Variants in ABCC8 observed in about 807,000 individuals in gnomAD.
The protein encoded by ABCC8 is ATP-binding cassette sub-family C member 8.
ABCC8 carries 137 observed loss-of-function variants against 188.0 expected under a neutral mutation model. That is an observed-to-expected ratio of 0.73 (90% CI 0.63 to 0.84). The LOEUF (loss-of-function observed/expected upper bound fraction) is 0.84. Ranked by LOEUF, ABCC8 falls within the 40% of genes least tolerant of loss-of-function variation. ABCC8 has a pLI of 0.00. For missense variants in ABCC8, 1,750 were observed against 2,072.7 expected (o/e 0.84, Z 3.02); for synonymous variants, 797 against 846.5 (o/e 0.94, Z 1.01).
At chr11:17,472,056 C>T (rs952994891) in intron 2 of ABCC8, among the ~76,000 whole-genome samples, 1 of 152,190 alleles carries the variant, frequency 6.6e-6, no homozygotes, top group African/African-American at 2.4e-5. Context: ...CTCTCTCACA[C>T]ATTTTTAAGC....
At chr11:17,398,236 C>T (rs1023696872) in intron 30 of ABCC8, 103 bp downstream of exon 30, 83 of 1,455,948 alleles carry the variant, frequency 5.7e-5, no homozygotes, top group Middle Eastern at 2.1e-4. Context: ...GGTGTCCACA[C>T]GATCTGGTAT....
Position 17,404,556 on chromosome 11 carries a change from G to A in ABCC8, c.3513C>T (p.Ala1171=), listed in dbSNP as rs778961697. ...ACTTCTGGATGAAGTAGCACACGAT[G>A]GCCAGGGGCAAGAGGGCCACGAGGA... ...PVFLVALLPL[A]IVCYFIQKYF... is the part of the protein sequence containing the mutation. The change falls in exon 28 of 39, where the codon GCC becomes GCT. Residue 1171 remains alanine, a synonymous_variant. Coordinates refer to ENST00000389817, the MANE Select transcript of ABCC8 (RefSeq NM_000352.6). The surrounding 1 kb of genome is among the most constrained non-coding windows in gnomAD (Gnocchi z 4.7). 1.2e-5 allele frequency: 20 copies of A among 1,613,994 alleles called. No individual in the cohort carries two copies. The East Asian group carries it at 3.3e-4, about 27-fold the overall frequency.
At chr11:17,476,572 T>C (rs1383992581) in intron 1 of ABCC8, 57 bp downstream of exon 1, 6 of 1,581,622 alleles carry the variant, frequency 3.8e-6, no homozygotes, top group Non-Finnish European at 5.2e-6. Context: ...GCGCAGCGCC[T>C]CCTCCTCCCT....
intron 6 of ABCC8, among the ~76,000 whole-genome samples, chr11:17,459,424 CA>C (rs1957106458): frequency 6.6e-6 from 1 of 152,186 alleles, no homozygotes; most frequent in South Asian, 2.1e-4. Flanking sequence ...AAATCAGACT[CA>C]ACGTATCTCA....
intron 10 of ABCC8, 135 bp downstream of exon 10, chr11:17,442,585 G>A (rs1405785796): frequency 1.1e-6 from 1 of 872,722 alleles, no homozygotes; most frequent in Non-Finnish European, 1.9e-6. Flanking sequence ...GAGCCAGTTT[G>A]AGGCTCCCCT....
Position 17,394,336 on chromosome 11 carries a change from G to C in ABCC8, c.4475C>G (p.Ala1492Gly). The C allele has an allele frequency of 6.2e-7, 1 of 1,614,102 alleles. No homozygotes were observed. The highest frequency in any genetic ancestry group is 8.5e-7 in the Non-Finnish European group (1 of 1,180,040). ...SQGQRQLFCL[A>G]RAFVRKTSIF... ...GCTGGTCTTCCTCACGAAGGCCCGG[G>C]CCAGGCAGAACAGCTGCCTCTGTCC... Residue 1492 changes from alanine to glycine, a missense_variant, in exon 37 of 39, where the codon GCC becomes GGC. Ala to Gly is a moderately conservative substitution (Grantham distance 60, BLOSUM62 0). Coordinates refer to ENST00000389817, the MANE Select transcript of ABCC8 (RefSeq NM_000352.6).
chr11:17,421,454 T>TTAGTG (rs1955339473), intron 16 of ABCC8, among the ~76,000 whole-genome samples: 1 of 152,188 alleles, frequency 6.6e-6, no homozygotes, highest in Non-Finnish European at 1.5e-5. Flanking sequence ...TGTTCCTGGT[T>TTAGTG]CATTCATTTA....
At position 17,427,883 on chromosome 11, in the gene ABCC8, G is replaced by A; in HGVS notation, c.2100C>T (p.Thr700=). The change falls in exon 15 of 39, where the codon ACC becomes ACT. Residue 700 remains threonine (T), a synonymous_variant. Transcript: ENST00000389817. The surrounding 1 kb of genome is among the most constrained non-coding windows in gnomAD (Gnocchi z 5.0). ...GGGCCATACCTCGGGGGATACGAATGGTGATGTTGGACAGTGTGGGGATTC... is the reference window on the plus strand; with the variant it reads ...GGGCCATACCTCGGGGGATACGAATAGTGATGTTGGACAGTGTGGGGATTC... The part of the protein sequence containing the change: ...PDGIPTLSNI[T]IRIPRGQLTM... 6.2e-7 allele frequency: 1 copy of A among 1,614,128 alleles called. No individual in the cohort carries two copies. Among genetic ancestry groups the A allele is most frequent in the Non-Finnish European group, 8.5e-7 (1 of 1,179,988 alleles).
chr11:17,406,383 G>T lies in ABCC8; in HGVS notation c.3329+239C>A, dbSNP rs564527843. ...GATGTGCAGACGCTCACTTTAAAGG[G>T]CCATGGTAACAATTAAATGAGCTAA... On this transcript the variant is annotated intron_variant, in intron 26 of 38. Transcript: ENST00000389817. 1.2e-3 allele frequency: 691 copies of T among 579,768 alleles called. 12 individuals carry two copies. In the South Asian group the frequency reaches 0.014, roughly 12 times the overall value. The allele number at this position is 579,768 out of a possible 1,614,324, so 35.9% of individuals were successfully genotyped here.
At chr11:17,463,688 G>T (rs1847972284) in intron 3 of ABCC8, 84 bp from the exon 4 acceptor site, 1 of 1,522,292 alleles carries the variant, frequency 6.6e-7, no homozygotes, top group Admixed American at 2.0e-5. Flanking sequence ...ATGTGGCAGA[G>T]AAGGAGACAG....
intron 9 of ABCC8, 48 bp downstream of exon 9, chr11:17,443,130 G>A: frequency 6.2e-7 from 1 of 1,602,756 alleles, no homozygotes; most frequent in Non-Finnish European, 8.5e-7. Context: ...CTGCTGTCGA[G>A]GGAAGGAGGG....
intron 10 of ABCC8, among the ~76,000 whole-genome samples, chr11:17,438,354 G>T (rs1956186479): frequency 6.8e-6 from 1 of 147,878 alleles, no homozygotes; most frequent in South Asian, 2.1e-4. Flanking sequence ...AGGGGCATTT[G>T]GAATTGACCC....
intron 8 of ABCC8, 22 bp from the exon 9 acceptor site, chr11:17,443,334 A>G: frequency 3.7e-6 from 6 of 1,613,980 alleles, no homozygotes; most frequent in Non-Finnish European, 5.1e-6. Context: ...GTCATGGGTC[A>G]GGTCCCTTTG....
intron 22 of ABCC8, 102 bp downstream of exon 22, chr11:17,410,414 C>T: frequency 7.6e-7 from 1 of 1,315,732 alleles, no homozygotes; most frequent in Non-Finnish European, 1.1e-6. Flanking sequence ...GCTTTGTGGC[C>T]CTCAGCAGTT....
At chr11:17,408,617 T>A in intron 22 of ABCC8, 100 bp from the exon 23 acceptor site, 1 of 1,509,840 alleles carries the variant, frequency 6.6e-7, no homozygotes, top group East Asian at 2.3e-5. Flanking sequence ...GACACATCCC[T>A]TTCCTCACTA....
At position 17,448,579 on chromosome 11, in the gene ABCC8, G is replaced by T. The variant is rs370169777; in HGVS notation, c.1269C>A (p.Ile423=). 3.2e-5 allele frequency: 52 copies of T among 1,614,046 alleles called. No homozygotes were observed. Among genetic ancestry groups the T allele is most frequent in the Non-Finnish European group, 4.2e-5 (49 of 1,180,038 alleles). The change falls in exon 8 of 39, where the codon ATC becomes ATA. Residue 423 remains isoleucine (I), a synonymous_variant. Transcript: ENST00000389817. ...TAGQICNLVA[I]DTNQLMWFFF... ...AAAACCACATGAGCTGATTGGTGTCGATGGCAACCAGATTACAGATCTGTC... is the reference window on the plus strand; with the variant it reads ...AAAACCACATGAGCTGATTGGTGTCTATGGCAACCAGATTACAGATCTGTC...
At chr11:17,403,256 G>A (rs1202910618) in intron 28 of ABCC8, among the ~76,000 whole-genome samples, 1 of 152,174 alleles carries the variant, frequency 6.6e-6, no homozygotes, top group Admixed American at 6.5e-5. Flanking sequence ...AAGGCCAGAG[G>A]TTTCCATGGC....
rs1954869764 is a variant in ABCC8 at position 17,412,652 on chromosome 11, G to A, written c.2556+14C>T. On this transcript the variant is annotated intron_variant, in intron 21 of 38. Coordinates refer to ENST00000389817, the MANE Select transcript of ABCC8 (RefSeq NM_000352.6). ...GCAGCCAGAGACCAGGACCCCAAGG[G>A]AACTTGCACTCACCAAGAAGACAAC... The A allele has an allele frequency of 2.5e-6, 4 of 1,608,664 alleles. No homozygotes were observed. The highest frequency in any genetic ancestry group is 3.4e-6 in the Non-Finnish European group (4 of 1,177,492).
chr11:17,439,634 A>C (rs527906484), intron 10 of ABCC8, among the ~76,000 whole-genome samples: 6 of 152,112 alleles, frequency 3.9e-5, no homozygotes, highest in Admixed American at 2.0e-4. Context: ...GGAAAAAAAA[A>C]CACATCCTCG....
Sources: gnomAD v4.1 joint callset for allele counts (sites outside exome capture counted in the v4.1 genomes callset) on GRCh38, gnomAD v4.1.1 for gene constraint, Gnocchi (gnomAD v3.1) non-coding constraint, MANE v1.5 for transcripts, NCBI Gene and HGNC (gene_info 2026-07-23, HGNC 2026-07-21) for gene names.